The following OTULINL variants were observed in gnomAD, a reference collection of about 807,000 sequenced individuals.
OTULINL encodes the protein inactive ubiquitin thioesterase OTULINL.
OTULINL carries 42 observed loss-of-function variants against 43.9 expected under a neutral mutation model. That is an observed-to-expected ratio of 0.96 (90% CI 0.75 to 1.24). The LOEUF is 1.24. Among genes scored for constraint, OTULINL ranks in the 50% most tolerant of loss-of-function variants. OTULINL has a pLI of 0.00. For synonymous variants in OTULINL, 172 were observed against 153.6 expected, an observed-to-expected ratio of 1.12 and a Z score of -0.88; for missense variants, 411 against 426.4, an observed-to-expected ratio of 0.96 and a Z score of 0.32.
chr5:14,605,736 G>A (rs925944107), intron 5 of OTULINL, among the ~76,000 whole-genome samples: 4 of 152,160 alleles, frequency 2.6e-5, no homozygotes, highest in African/African-American at 9.7e-5. Flanking sequence ...TAGGGCAGGG[G>A]CAAAATGCCA....
intron 1 of OTULINL, among the ~76,000 whole-genome samples, chr5:14,599,112 G>C (rs1759341586): frequency 6.6e-6 from 1 of 152,212 alleles, no homozygotes; most frequent in Non-Finnish European, 1.5e-5. Context: ...ATAATGATTT[G>C]AATAGCTAAT....
intron 1 of OTULINL, among the ~76,000 whole-genome samples, chr5:14,590,767 A>G (rs750994564): frequency 1.3e-5 from 2 of 152,228 alleles, no homozygotes; most frequent in Non-Finnish European, 2.9e-5. Context: ...CCAGCTCCTG[A>G]GGTCTCTGGC....
Position 14,599,476 on chromosome 5 carries a change from C to T in OTULINL, c.65-1489C>T, listed in dbSNP as rs574233305. Among the ~76,000 whole-genome samples, 361 of 149,538 alleles carry T rather than the reference C, an allele frequency of 2.4e-3. 1 individual carries two copies. Among genetic ancestry groups the T allele is most frequent in the African/African-American group, 8.0e-3 (324 of 40,554 alleles). On this transcript the variant is annotated intron_variant, in intron 1 of 7. Transcript: ENST00000274217. Reference sequence around the variant, plus strand: ...GCTACTCCATCCTGGGCAACAAGAACGAGATTTCATCTCAAAAAAAAAAAA... The same window carrying T: ...GCTACTCCATCCTGGGCAACAAGAATGAGATTTCATCTCAAAAAAAAAAAA...
At chr5:14,587,978 G>A (rs1326088221) in intron 1 of OTULINL, among the ~76,000 whole-genome samples, 1 of 152,116 alleles carries the variant, frequency 6.6e-6, no homozygotes, top group Non-Finnish European at 1.5e-5. Context: ...CACCATGGAG[G>A]CCCTTGTGGA....
intron 5 of OTULINL, among the ~76,000 whole-genome samples, chr5:14,606,469 G>A (rs1759479264): frequency 6.6e-6 from 1 of 152,206 alleles, no homozygotes; most frequent in Admixed American, 6.5e-5. Context: ...AGCAAACTGA[G>A]TAGGATGGGA....
chr5:14,610,058 C>T (rs1400987216), intron 7 of OTULINL, 83 bp from the exon 8 acceptor site: 20 of 1,215,370 alleles, frequency 1.6e-5, no homozygotes, highest in Non-Finnish European at 2.1e-5. Context: ...TCATAAACTG[C>T]AGAGGAACAC....
At chr5:14,595,887 C>T (rs958069852) in intron 1 of OTULINL, among the ~76,000 whole-genome samples, 2 of 152,008 alleles carry the variant, frequency 1.3e-5, no homozygotes, top group Admixed American at 1.3e-4. Context: ...AGGTAATACA[C>T]TTTGCAATAT....
At chr5:14,597,232 A>G (rs1231719776) in intron 1 of OTULINL, among the ~76,000 whole-genome samples, 1 of 152,144 alleles carries the variant, frequency 6.6e-6, no homozygotes, top group East Asian at 1.9e-4. Flanking sequence ...CCCAACATTT[A>G]CTTTCAGTCT....
rs1340258420 is a variant in OTULINL, at chr5:14,611,173, C to G, written c.*859C>G. On this transcript the variant is annotated 3_prime_UTR_variant, in exon 8 of 8. Transcript: ENST00000274217. ...CCAAAGATGTCTGTGTCTGAATCCT[C>G]AGAGCCGTAAAGGGCTAAATGGGTT... 6.6e-6 allele frequency: 1 copy of G among 152,142 alleles called. No homozygotes were observed. Among genetic ancestry groups the G allele is most frequent in the African/African-American group, 2.4e-5 (1 of 41,422 alleles). 9.4% of individuals were successfully genotyped at this position (152,142 alleles called of 1,614,324 possible). A position where few individuals can be genotyped will look rare whatever the true frequency, so the allele number is the denominator to read the frequency against.
intron 1 of OTULINL, among the ~76,000 whole-genome samples, chr5:14,590,096 CT>C (rs1343624632): frequency 6.6e-6 from 1 of 152,150 alleles, no homozygotes; most frequent in East Asian, 1.9e-4. Context: ...ACAACACTTA[CT>C]TTTAGTTGGA....
intron 7 of OTULINL, among the ~76,000 whole-genome samples, chr5:14,609,297 A>G (rs933265722): frequency 3.3e-5 from 5 of 152,332 alleles, no homozygotes; most frequent in East Asian, 1.9e-4. Flanking sequence ...GTTCTCTCAC[A>G]TAGACGTTCA....
At chr5:14,591,173 A>G (rs967065816) in intron 1 of OTULINL, among the ~76,000 whole-genome samples, 2 of 152,222 alleles carry the variant, frequency 1.3e-5, no homozygotes, top group African/African-American at 4.8e-5. Flanking sequence ...GAGCCAAATC[A>G]GTAATGAAAT....
intron 7 of OTULINL, among the ~76,000 whole-genome samples, chr5:14,609,694 G>A (rs1333523964): frequency 6.9e-6 from 1 of 145,922 alleles, no homozygotes; most frequent in Admixed American, 7.0e-5. Context: ...GCTGTGGCGC[G>A]ATCTCCGCTC....
At chr5:14,606,442 C>T (rs1759478725) in intron 5 of OTULINL, among the ~76,000 whole-genome samples, 1 of 152,178 alleles carries the variant, frequency 6.6e-6, no homozygotes, top group African/African-American at 2.4e-5. Flanking sequence ...ACAACCACAA[C>T]AGAGATTCCC....
At chr5:14,589,474 C>G (rs1303486749) in intron 1 of OTULINL, among the ~76,000 whole-genome samples, 1 of 152,014 alleles carries the variant, frequency 6.6e-6, no homozygotes, top group South Asian at 2.1e-4. Flanking sequence ...AGGGAGGGGT[C>G]AGGGTCAGAC....
intron 7 of OTULINL, 67 bp from the exon 8 acceptor site, chr5:14,610,074 C>A: frequency 1.4e-6 from 2 of 1,402,106 alleles, no homozygotes; most frequent in Non-Finnish European, 2.0e-6. Context: ...AACACTTCCC[C>A]CCACCGTGGC....
intron 1 of OTULINL, among the ~76,000 whole-genome samples, chr5:14,587,728 A>G (rs1270953781): frequency 6.6e-6 from 1 of 152,162 alleles, no homozygotes; most frequent in East Asian, 1.9e-4. Context: ...TAAGTATTAA[A>G]TATTTGTTAG....
intron 5 of OTULINL, among the ~76,000 whole-genome samples, chr5:14,604,874 G>A (rs1759446005): frequency 6.6e-6 from 1 of 152,238 alleles, no homozygotes; most frequent in Admixed American, 6.5e-5. Context: ...CCTCCTGGCT[G>A]CTTTCACAGG....
At chr5:14,603,002 GC>G (rs1392690178) in intron 5 of OTULINL, among the ~76,000 whole-genome samples, 1 of 152,072 alleles carries the variant, frequency 6.6e-6, no homozygotes, top group Non-Finnish European at 1.5e-5. Context: ...TCCTACCCCA[GC>G]CCCTGAAAAC....
Sources: allele counts gnomAD v4.1 joint callset (sites outside exome capture counted in the v4.1 genomes callset), GRCh38; gene constraint gnomAD v4.1.1; transcripts MANE v1.5; gene names NCBI Gene and HGNC (gene_info 2026-07-23, HGNC 2026-07-21).